CPNE4: variants seen among roughly 807,000 people sequenced by gnomAD.
CPNE4 encodes the protein copine 4, also known as copine-4.
Under a neutral mutation model 67.9 loss-of-function variants are expected in CPNE4, and 25 were observed. That is an observed-to-expected ratio of 0.37 (90% CI 0.27 to 0.51). The LOEUF is 0.51. Ranked by LOEUF, CPNE4 falls within the 20% of genes least tolerant of loss-of-function variation. The pLI is 0.93. For synonymous variants in CPNE4, 242 were observed against 244.9 expected, an observed-to-expected ratio of 0.99 and a Z score of 0.11; for missense variants, 464 against 690.8, an observed-to-expected ratio of 0.67 and a Z score of 3.68.
rs138457777 is a variant in CPNE4 at position 131,886,211 on chromosome 3, C to T, written c.180+19053G>A. Among the ~76,000 whole-genome samples, 1,273 of 152,314 alleles carry T rather than the reference C, an allele frequency of 8.4e-3. 20 individuals carry two copies. The highest frequency in any genetic ancestry group is 0.029 in the African/African-American group (1,189 of 41,560). ...TGCCCTGTGTCCCAGCTGCTCCAGCCGTGGCTGAAAGGGGCCAATGTGGAG... is the reference window on the plus strand; with the variant it reads ...TGCCCTGTGTCCCAGCTGCTCCAGCTGTGGCTGAAAGGGGCCAATGTGGAG... On this transcript the variant is annotated intron_variant, in intron 2 of 15. Transcript: ENST00000429747.
chr3:131,719,823 G>A (rs143361708), intron 3 of CPNE4, among the ~76,000 whole-genome samples: 325 of 152,280 alleles, frequency 2.1e-3, no homozygotes, highest in Non-Finnish European at 3.5e-3. Flanking sequence ...AGGCAAAGAA[G>A]AACTGTTTCT....
chr3:131,959,940 T>C (rs1212909684), intron 1 of CPNE4, among the ~76,000 whole-genome samples: 1 of 152,200 alleles, frequency 6.6e-6, no homozygotes, highest in African/African-American at 2.4e-5. Context: ...ACTAAAACGC[T>C]ACTGCAAATT....
chr3:131,839,424 A>G (rs1026303338), intron 2 of CPNE4, among the ~76,000 whole-genome samples: 10 of 151,220 alleles, frequency 6.6e-5, no homozygotes, highest in African/African-American at 2.4e-4. Context: ...TATATCATAC[A>G]TTATATTAAA....
chr3:131,561,732 T>C (rs1213857280), intron 11 of CPNE4, among the ~76,000 whole-genome samples: 1 of 151,984 alleles, frequency 6.6e-6, no homozygotes, highest in Admixed American at 6.6e-5. Flanking sequence ...TATTCAAGTG[T>C]TTCATTTTGA....
intron 2 of CPNE4, among the ~76,000 whole-genome samples, chr3:131,769,860 A>C (rs2083120352): frequency 6.6e-6 from 1 of 152,152 alleles, no homozygotes; most frequent in African/African-American, 2.4e-5. Flanking sequence ...CTGTATTATG[A>C]GAAGAACATA....
Position 131,672,687 on chromosome 3 carries a change from AT to A in CPNE4, c.592-2924del, listed in dbSNP as rs1022434092. ...GCCCATTTCCAAATTGAATTATTAG[AT>A]TTTTTTTCTCATAGAGTTGTTTGAG... On this transcript the variant is annotated intron_variant, in intron 6 of 15. Transcript: ENST00000429747. Among the ~76,000 whole-genome samples the A allele has an allele frequency of 2.9e-4, 44 of 151,482 alleles. 1 individual carries two copies. In the East Asian group the frequency reaches 8.5e-3, roughly 29 times the overall value.
At chr3:131,965,845 G>A (rs1262587249) in intron 1 of CPNE4, among the ~76,000 whole-genome samples, 1 of 152,118 alleles carries the variant, frequency 6.6e-6, no homozygotes, top group Non-Finnish European at 1.5e-5. Flanking sequence ...GGATATTCGG[G>A]ATTTGAACTC....
chr3:131,593,954 G>A (rs530606762), intron 7 of CPNE4, among the ~76,000 whole-genome samples: 5 of 152,114 alleles, frequency 3.3e-5, no homozygotes, highest in East Asian at 1.9e-4. Context: ...TCTTGACCTC[G>A]TAATCTGCCT....
At chr3:131,565,268 C>T (rs371470497) in intron 10 of CPNE4, among the ~76,000 whole-genome samples, 13 of 152,050 alleles carry the variant, frequency 8.5e-5, no homozygotes, top group African/African-American at 1.9e-4. Flanking sequence ...AAAAGTCATA[C>T]GGGAAGAAAG....
intron 1 of CPNE4, among the ~76,000 whole-genome samples, chr3:131,957,623 C>T (rs2072016057): frequency 6.6e-6 from 1 of 152,180 alleles, no homozygotes; most frequent in South Asian, 2.1e-4. Context: ...CTCTTCTGAC[C>T]TCATGCCTTC....
chr3:131,580,673 C>A (rs1020386738), intron 9 of CPNE4, among the ~76,000 whole-genome samples: 1 of 152,006 alleles, frequency 6.6e-6, no homozygotes, highest in Non-Finnish European at 1.5e-5. Context: ...AAGAATTAAA[C>A]AGAGTTTATT....
intron 13 of CPNE4, 95 bp downstream of exon 13, chr3:131,552,345 G>A (rs1582780086): frequency 5.8e-6 from 6 of 1,027,232 alleles, no homozygotes; most frequent in Admixed American, 3.9e-5. Flanking sequence ...GTGGACAATC[G>A]TAACTAATAT....
Position 131,656,390 on chromosome 3 carries a change from G to A in CPNE4, c.681+13285C>T, listed in dbSNP as rs567735733. Reference sequence around the variant, plus strand: ...ATTAACCTAATTAACCTAATCACTAGCATCGATATATGTGGAGATAAGAAT... The same window carrying A: ...ATTAACCTAATTAACCTAATCACTAACATCGATATATGTGGAGATAAGAAT... On this transcript the variant is annotated intron_variant, in intron 7 of 15. Coordinates refer to ENST00000429747, the MANE Select transcript of CPNE4 (RefSeq NM_130808.3). 6.0e-4 allele frequency among the ~76,000 whole-genome samples: 91 copies of A among 152,226 alleles called. 1 individual carries two copies. Among genetic ancestry groups the A allele is most frequent in the Middle Eastern group, 3.4e-3 (1 of 294 alleles).
intron 1 of CPNE4, among the ~76,000 whole-genome samples, chr3:132,032,716 T>C (rs1195926696): frequency 9.6e-6 from 1 of 104,110 alleles, no homozygotes; most frequent in Admixed American, 9.8e-5. Flanking sequence ...TCAGTCTCTC[T>C]TTAAAAATGG....
At chr3:131,582,192 A>G (rs1476912505) in intron 8 of CPNE4, among the ~76,000 whole-genome samples, 1 of 152,208 alleles carries the variant, frequency 6.6e-6, no homozygotes, top group Non-Finnish European at 1.5e-5. Flanking sequence ...TTTACTAGGG[A>G]CAATAATAAA....
chr3:131,651,585 A>G (rs2079817516), intron 7 of CPNE4, among the ~76,000 whole-genome samples: 1 of 152,222 alleles, frequency 6.6e-6, no homozygotes, highest in Admixed American at 6.5e-5. Flanking sequence ...AAAGGACTTT[A>G]GAGTTAAACA....
chr3:131,844,521 G>A (rs1300248371), intron 2 of CPNE4, among the ~76,000 whole-genome samples: 1 of 152,006 alleles, frequency 6.6e-6, no homozygotes, highest in Non-Finnish European at 1.5e-5. Flanking sequence ...GCCTGCCTCG[G>A]CCTCCCAAAA....
chr3:131,585,247 C>T (rs947707092), intron 8 of CPNE4, among the ~76,000 whole-genome samples: 1 of 152,172 alleles, frequency 6.6e-6, no homozygotes, highest in Non-Finnish European at 1.5e-5. Flanking sequence ...TTTGTGTTTA[C>T]ATTCTATCCT....
At chr3:131,755,705 T>C (rs932412135) in intron 2 of CPNE4, among the ~76,000 whole-genome samples, 1 of 152,214 alleles carries the variant, frequency 6.6e-6, no homozygotes, top group Non-Finnish European at 1.5e-5. Flanking sequence ...TGTTGATTAC[T>C]TCCTTTGTGT....
Sources: gnomAD v4.1 joint callset for allele counts (sites outside exome capture counted in the v4.1 genomes callset) on GRCh38, gnomAD v4.1.1 for gene constraint, MANE v1.5 for transcripts, NCBI Gene and HGNC (gene_info 2026-07-23, HGNC 2026-07-21) for gene names.